The following SWT1 variants were observed in gnomAD, a reference collection of about 807,000 sequenced individuals.
SWT1 encodes the protein transcriptional protein SWT1.
A neutral mutation model predicts 107.3 loss-of-function variants in SWT1; 33 were observed. That is an observed-to-expected ratio of 0.31 (90% CI 0.23 to 0.41). The LOEUF (loss-of-function observed/expected upper bound fraction) is 0.41, where lower values mean the gene tolerates loss of function less well. Ranked by LOEUF, SWT1 falls within the 10% of genes least tolerant of loss-of-function variation. The probability of loss-of-function intolerance (pLI) is 1.00; values close to 1 mark genes in which losing one functional copy is unlikely to be tolerated. For synonymous variants in SWT1, 345 were observed against 348.3 expected, an observed-to-expected ratio of 0.99 and a Z score of 0.11; for missense variants, 898 against 1,028.9, an observed-to-expected ratio of 0.87 and a Z score of 1.74.
chr1:185,170,429 G>A (rs1348545980), intron 4 of SWT1, among the ~76,000 whole-genome samples: 4 of 152,088 alleles, frequency 2.6e-5, no homozygotes, highest in Non-Finnish European at 5.9e-5. Flanking sequence ...ATCCTGTCAT[G>A]GCCTAAGTAG....
chr1:185,211,674 A>G (rs1658820758), intron 13 of SWT1, among the ~76,000 whole-genome samples: 1 of 152,212 alleles, frequency 6.6e-6, no homozygotes, highest in African/African-American at 2.4e-5. Context: ...TAGAACTAGA[A>G]ATACCATTTG....
chr1:185,213,855 A>G (rs1659014237), intron 13 of SWT1, among the ~76,000 whole-genome samples: 2 of 152,168 alleles, frequency 1.3e-5, no homozygotes, highest in African/African-American at 4.8e-5. Flanking sequence ...GTTCCTTGAG[A>G]TAAAATTGTT....
chr1:185,233,009 A>G (rs1339384834), intron 16 of SWT1, among the ~76,000 whole-genome samples: 2 of 152,122 alleles, frequency 1.3e-5, no homozygotes, highest in Non-Finnish European at 2.9e-5. Context: ...GTGGTTCTCA[A>G]AGTGTAATCA....
At chr1:185,167,095 A>G (rs1473303612) in intron 3 of SWT1, among the ~76,000 whole-genome samples, 1 of 152,142 alleles carries the variant, frequency 6.6e-6, no homozygotes, top group Non-Finnish European at 1.5e-5. Flanking sequence ...TTTAGTAGAG[A>G]AAGGGTTTTA....
At chr1:185,239,492 A>G (rs1661114744) in intron 16 of SWT1, among the ~76,000 whole-genome samples, 1 of 152,144 alleles carries the variant, frequency 6.6e-6, no homozygotes, top group African/African-American at 2.4e-5. Flanking sequence ...AATTTTGCAA[A>G]GTTAGAAAAG....
intron 10 of SWT1, among the ~76,000 whole-genome samples, chr1:185,195,607 C>T (rs1315401679): frequency 6.6e-6 from 1 of 152,184 alleles, no homozygotes; most frequent in Non-Finnish European, 1.5e-5. Flanking sequence ...AATTTACACT[C>T]CCACCAACAG....
At chr1:185,235,302 C>T (rs144935160) in intron 16 of SWT1, among the ~76,000 whole-genome samples, 146 of 152,236 alleles carry the variant, frequency 9.6e-4, no homozygotes, top group African/African-American at 3.0e-3. Context: ...AACATCAATG[C>T]GAAAATCCTA....
At chr1:185,177,020 T>G (rs1282991410) in intron 5 of SWT1, 1 of 966,018 alleles carries the variant, frequency 1.0e-6, no homozygotes, top group African/African-American at 1.8e-5. Context: ...ATTGCAATGG[T>G]AAGATATTTC....
intron 15 of SWT1, chr1:185,227,323 T>C (rs1429430973): frequency 1.4e-6 from 1 of 737,068 alleles, no homozygotes; most frequent in Non-Finnish European, 2.5e-6. Flanking sequence ...TCATTGCCAG[T>C]CTCTTCCACT....
chr1:185,265,511 G>A (rs1254041089), intron 16 of SWT1, among the ~76,000 whole-genome samples: 1 of 152,054 alleles, frequency 6.6e-6, no homozygotes, highest in African/African-American at 2.4e-5. Flanking sequence ...TTCATCATCA[G>A]CAAAATCCAA....
chr1:185,263,942 C>T (rs1197296553), intron 16 of SWT1: 1 of 152,244 alleles, frequency 6.6e-6, no homozygotes, highest in Non-Finnish European at 1.5e-5. Flanking sequence ...GAACACACTT[C>T]AGTCCATAAC....
At chr1:185,184,403 TA>T (rs1371880845) in intron 8 of SWT1, 59 bp downstream of exon 8, 1 of 1,004,528 alleles carries the variant, frequency 1.0e-6, no homozygotes, top group Non-Finnish European at 1.5e-6. Flanking sequence ...TATTTTATAT[TA>T]ACAATGATGG....
chr1:185,175,584 A>T (rs896783651), intron 5 of SWT1, among the ~76,000 whole-genome samples: 1 of 152,148 alleles, frequency 6.6e-6, no homozygotes, highest in African/African-American at 2.4e-5. Flanking sequence ...AAATTTATTC[A>T]TGAAGATATG....
chr1:185,168,408 T>C lies in SWT1; in HGVS notation c.224+10T>C. 2 of 1,373,790 alleles carry C rather than the reference T, an allele frequency of 1.5e-6. No homozygotes were observed. Among genetic ancestry groups the C allele is most frequent in the South Asian group, 1.4e-5 (1 of 71,878 alleles). 85.1% of individuals were successfully genotyped at this position (1,373,790 alleles called of 1,614,324 possible). ...GACAAGGACTGAAAAGGTAAATTTC[T>C]CCTTTTTCTTTTTACTGTTTTGGTT... On this transcript the variant is annotated intron_variant, in intron 4 of 18. Coordinates refer to ENST00000367500, the MANE Select transcript of SWT1 (RefSeq NM_017673.7).
chr1:185,181,712 C>T (rs1223696935), intron 6 of SWT1, among the ~76,000 whole-genome samples: 2 of 152,150 alleles, frequency 1.3e-5, no homozygotes, highest in East Asian at 1.9e-4. Flanking sequence ...AACTGAGACC[C>T]AAAGTTGTTA....
intron 13 of SWT1, among the ~76,000 whole-genome samples, chr1:185,211,146 CT>C (rs756989740): frequency 7.2e-5 from 11 of 152,106 alleles, no homozygotes; most frequent in Non-Finnish European, 1.5e-4. Flanking sequence ...CAGTGCTATC[CT>C]CATCAAGCTA....
chr1:185,275,141 T>A (rs987026797), intron 17 of SWT1, among the ~76,000 whole-genome samples: 2 of 152,098 alleles, frequency 1.3e-5, no homozygotes, highest in African/African-American at 4.8e-5. Context: ...CAAATTCAGT[T>A]TTTCAGCTGA....
intron 16 of SWT1, chr1:185,263,990 T>C (rs956723252): frequency 1.3e-5 from 2 of 152,198 alleles, no homozygotes; most frequent in African/African-American, 4.8e-5. Context: ...TTCAGTAATA[T>C]GGCTGCAGCT....
chr1:185,203,291 T>C (rs1408754643), intron 11 of SWT1, among the ~76,000 whole-genome samples: 1 of 152,206 alleles, frequency 6.6e-6, no homozygotes, highest in Non-Finnish European at 1.5e-5. Context: ...TGTTGGAATC[T>C]AGTAATAGTT....
Sources: allele counts gnomAD v4.1 joint callset (sites outside exome capture counted in the v4.1 genomes callset), GRCh38; gene constraint gnomAD v4.1.1; transcripts MANE v1.5; gene names NCBI Gene and HGNC (gene_info 2026-07-23, HGNC 2026-07-21).